The following ATXN7 variants were observed in gnomAD, a reference collection of about 807,000 sequenced individuals.
The protein encoded by ATXN7 is ataxin 7.
A neutral mutation model predicts 70.5 loss-of-function variants in ATXN7; 12 were observed. That is an observed-to-expected ratio of 0.17 (90% CI 0.11 to 0.28). The LOEUF (loss-of-function observed/expected upper bound fraction) is 0.28. Ranked by LOEUF, ATXN7 falls within the 10% of genes least tolerant of loss-of-function variation. The pLI is 1.00. For synonymous variants in ATXN7, 498 were observed against 448.7 expected, an observed-to-expected ratio of 1.11 and a Z score of -1.39; for missense variants, 1,256 against 1,131.7, an observed-to-expected ratio of 1.11 and a Z score of -1.58.
intron 12 of ATXN7, among the ~76,000 whole-genome samples, chr3:63,997,260 AAG>A (rs1341908325): frequency 6.6e-6 from 1 of 152,180 alleles, no homozygotes; most frequent in Non-Finnish European, 1.5e-5. Context: ...TCAAAAAAAA[AAG>A]AGCATTTATT....
At chr3:63,979,860 A>G (rs2075456299) in intron 5 of ATXN7, 55 bp from the exon 6 acceptor site, 6 of 1,600,892 alleles carry the variant, frequency 3.7e-6, no homozygotes, top group South Asian at 3.3e-5. Context: ...TTCCAGAATT[A>G]CATTTGAGAT....
At chr3:63,917,622 T>C (rs1704336903) in intron 4 of ATXN7, among the ~76,000 whole-genome samples, 1 of 152,238 alleles carries the variant, frequency 6.6e-6, no homozygotes, top group African/African-American at 2.4e-5. Flanking sequence ...TCTGTACTTT[T>C]TCTTTCTGCA....
chr3:63,907,785 A>G (rs1166448506), intron 2 of ATXN7, among the ~76,000 whole-genome samples: 1 of 152,056 alleles, frequency 6.6e-6, no homozygotes, highest in Non-Finnish European at 1.5e-5. Context: ...TTCTATTTGT[A>G]AAAAATTCCT....
chr3:63,972,157 CAAT>C (rs1328005039), intron 5 of ATXN7, among the ~76,000 whole-genome samples: 1 of 152,068 alleles, frequency 6.6e-6, no homozygotes, highest in Non-Finnish European at 1.5e-5. Flanking sequence ...TAAAAATAAA[CAAT>C]AAATAATTTT....
chr3:63,992,551 G>A lies in ATXN7; in HGVS notation c.1682+1692G>A, dbSNP rs530739881. On this transcript the variant is annotated intron_variant, in intron 11 of 12. Coordinates refer to ENST00000674280, the MANE Select transcript of ATXN7 (RefSeq NM_001377405.1). ...TTTCTGAATGTTTTATCCACATTAT[G>A]TTGGTATGTGGCTCATGACCAACAG... is the stretch of plus-strand genomic sequence containing the variant. Among the ~76,000 whole-genome samples, 9 of 152,284 alleles carry A rather than the reference G, an allele frequency of 5.9e-5. No individual in the cohort carries two copies. The East Asian group carries it at 1.5e-3, about 26-fold the overall frequency.
At chr3:63,909,975 A>C (rs1559627641) in intron 2 of ATXN7, among the ~76,000 whole-genome samples, 2 of 152,228 alleles carry the variant, frequency 1.3e-5, no homozygotes, top group South Asian at 4.1e-4. Flanking sequence ...GTACTCAATA[A>C]TTGGTAACTG....
chr3:63,950,558 A>T (rs963369044), intron 4 of ATXN7, among the ~76,000 whole-genome samples: 7 of 152,202 alleles, frequency 4.6e-5, no homozygotes, highest in Non-Finnish European at 1.0e-4. Context: ...CCAGTTCTGT[A>T]ATTTAGATGT....
chr3:63,903,235 A>T (rs1703711852), intron 2 of ATXN7, among the ~76,000 whole-genome samples: 1 of 152,034 alleles, frequency 6.6e-6, no homozygotes, highest in African/African-American at 2.4e-5. Flanking sequence ...TCTATTAAAA[A>T]TACAAAAAAA....
At position 63,982,364 on chromosome 3, in the gene ATXN7, G is replaced by A; in HGVS notation, c.931G>A (p.Gly311Arg). Residue 311 changes from glycine (G) to arginine (R), a missense_variant, in exon 7 of 13, where the codon GGG becomes AGG. Coordinates refer to ENST00000674280, the MANE Select transcript of ATXN7 (RefSeq NM_001377405.1). Reference protein sequence around the residue: ...PSPGQILNGKGLPAPPTLEKK... With the variant: ...PSPGQILNGKRLPAPPTLEKK... ...ACCTGGACAGATTCTGAATGGCAAA[G>A]GGCTTCCTGCACCGCCCACTCTGGA... 1 of 1,614,110 alleles carries A rather than the reference G, an allele frequency of 6.2e-7. No individual in the cohort carries two copies. Among genetic ancestry groups the A allele is most frequent in the South Asian group, 1.1e-5 (1 of 91,074 alleles).
chr3:63,932,778 G>A lies in ATXN7; in HGVS notation c.394+19553G>A, dbSNP rs78169166. Among the ~76,000 whole-genome samples the A allele has an allele frequency of 3.0e-3, 451 of 152,218 alleles. 3 individuals carry two copies. The highest frequency in any genetic ancestry group is 0.01 in the African/African-American group (434 of 41,528). On this transcript the variant is annotated intron_variant, in intron 4 of 12. Coordinates refer to ENST00000674280, the MANE Select transcript of ATXN7 (RefSeq NM_001377405.1). The stretch of plus-strand genomic sequence containing the variant: ...TCTCATCTCTTAGATCGGGGCTTAG[G>A]CAGTAGTTCTTCCAGGCAGCTTCCC...
rs141479389 is a variant in ATXN7, at chr3:63,943,608, C to A, written c.395-8771C>A. Among the ~76,000 whole-genome samples, 9 of 152,160 alleles carry A rather than the reference C, an allele frequency of 5.9e-5. No individual in the cohort carries two copies. In the East Asian group the frequency reaches 1.5e-3, roughly 26 times the overall value. ...TGTGAGGTAGGTACTTTGACTTTAC[C>A]CATTTAGAAATGAGAATATTGAGGT... On this transcript the variant is annotated intron_variant, in intron 4 of 12. Transcript: ENST00000674280.
Position 63,982,366 on chromosome 3 carries a change from G to C in ATXN7, c.933G>C (p.Gly311=), listed in dbSNP as rs1184516871. The C allele has an allele frequency of 6.2e-7, 1 of 1,614,060 alleles. No homozygotes were observed. The highest frequency in any genetic ancestry group is 1.7e-5 in the Admixed American group (1 of 60,008). The change falls in exon 7 of 13, where the codon GGG becomes GGC. Residue 311 remains glycine (G), a synonymous_variant. Transcript: ENST00000674280. ...PSPGQILNGK[G]LPAPPTLEKK... ...CTGGACAGATTCTGAATGGCAAAGG[G>C]CTTCCTGCACCGCCCACTCTGGAAA...
Position 63,999,577 on chromosome 3 carries a change from C to A in ATXN7, c.*110C>A. 6.4e-7 allele frequency: 1 copy of A among 1,557,998 alleles called. No individual in the cohort carries two copies. The highest frequency in any genetic ancestry group is 8.7e-7 in the Non-Finnish European group (1 of 1,146,106). On this transcript the variant is annotated 3_prime_UTR_variant, in exon 13 of 13. Transcript: ENST00000674280. ...GCCTTTGAGTCTGTTTTCCCAACCT[C>A]CTGTGGGCCTCAAGGGTAGAAACCT...
intron 12 of ATXN7, chr3:63,997,588 G>C (rs1375824366): frequency 6.5e-7 from 1 of 1,533,578 alleles, no homozygotes; most frequent in Middle Eastern, 1.7e-4. Flanking sequence ...CTAACTTCCA[G>C]CTCATCTCTC....
chr3:63,905,823 TTA>T (rs1395517572), intron 2 of ATXN7: 11 of 152,214 alleles, frequency 7.2e-5, no homozygotes, highest in African/African-American at 2.7e-4. Context: ...CTTGAAAATT[TTA>T]TGTTTATCAA....
intron 1 of ATXN7, among the ~76,000 whole-genome samples, chr3:63,884,048 T>G (rs541773237): frequency 7.9e-5 from 12 of 152,148 alleles, no homozygotes; most frequent in Non-Finnish European, 1.6e-4. Flanking sequence ...GTAGTTCATG[T>G]AGAAATTTTA....
At chr3:63,974,811 T>A (rs1548041) in intron 5 of ATXN7, among the ~76,000 whole-genome samples, 141,818 of 152,290 alleles carry the variant, frequency 0.93, 66,212 homozygotes, top group East Asian at 1. Context: ...GTTTAATAAG[T>A]TATAAGAAAA....
chr3:63,889,059 C>G (rs1253231630), intron 1 of ATXN7, among the ~76,000 whole-genome samples: 2 of 152,050 alleles, frequency 1.3e-5, no homozygotes, highest in Non-Finnish European at 2.9e-5. Context: ...AATTTTAAGA[C>G]CATATATTTC....
At chr3:63,955,074 G>A (rs2075018834) in intron 5 of ATXN7, among the ~76,000 whole-genome samples, 1 of 152,098 alleles carries the variant, frequency 6.6e-6, no homozygotes, top group South Asian at 2.1e-4. Flanking sequence ...CCCTAGCACG[G>A]TATCTCCTAA....
Sources: gnomAD v4.1 joint callset for allele counts (sites outside exome capture counted in the v4.1 genomes callset) on GRCh38, gnomAD v4.1.1 for gene constraint, MANE v1.5 for transcripts, NCBI Gene and HGNC (gene_info 2026-07-23, HGNC 2026-07-21) for gene names.